DIPK1C: variants seen among roughly 807,000 people sequenced by gnomAD.
DIPK1C encodes the protein familial non-conventional Alzheimer's dementia.
DIPK1C carries 33 observed loss-of-function variants against 28.0 expected under a neutral mutation model. The ratio of observed to expected loss-of-function variants is 1.18; its 90% confidence interval spans 0.89 to 1.58. The LOEUF (loss-of-function observed/expected upper bound fraction) is 1.58, where lower values mean the gene tolerates loss of function less well. Among genes scored for constraint, DIPK1C ranks in the 40% most tolerant of loss-of-function variants. The pLI is 0.00. For synonymous variants in DIPK1C, 255 were observed against 248.8 expected, an observed-to-expected ratio of 1.02 and a Z score of -0.23; for missense variants, 569 against 568.5, an observed-to-expected ratio of 1.00 and a Z score of -0.01.
chr18:74,457,003 C>T (rs1350172533), intron 1 of DIPK1C, 59 bp downstream of exon 1: 4 of 1,340,220 alleles, frequency 3.0e-6, no homozygotes, highest in African/African-American at 1.6e-5. Flanking sequence ...GGACCGGGAG[C>T]GGGTGTGATC....
chr18:74,444,706 G>A (rs1215733732), intron 2 of DIPK1C, among the ~76,000 whole-genome samples: 1 of 152,112 alleles, frequency 6.6e-6, no homozygotes, highest in Non-Finnish European at 1.5e-5. Flanking sequence ...AAGAAGGGTC[G>A]AGAACCGGAC....
chr18:74,440,742 G>A (rs549339723), intron 3 of DIPK1C, among the ~76,000 whole-genome samples: 6 of 152,326 alleles, frequency 3.9e-5, no homozygotes, highest in East Asian at 1.9e-4. Context: ...AAGAGCAGGC[G>A]TTTGTGTTCC....
chr18:74,462,101 T>G (rs1305914639), upstream of DIPK1C, among the ~76,000 whole-genome samples: 1 of 152,218 alleles, frequency 6.6e-6, no homozygotes, highest in Non-Finnish European at 1.5e-5. Context: ...AGGTATAATT[T>G]GTATACCATG....
chr18:74,441,084 C>A (rs925259625), intron 3 of DIPK1C, among the ~76,000 whole-genome samples: 4 of 152,210 alleles, frequency 2.6e-5, no homozygotes, highest in African/African-American at 7.2e-5. Flanking sequence ...CAGCACCATG[C>A]TGGGCTCCCC....
intron 1 of DIPK1C, among the ~76,000 whole-genome samples, chr18:74,455,172 A>C (rs1986479343): frequency 6.6e-6 from 1 of 152,208 alleles, no homozygotes; most frequent in Non-Finnish European, 1.5e-5. Flanking sequence ...AATTGGTTTT[A>C]ATTCATGACC....
In DIPK1C at chr18:74,447,101, G is replaced by A; in HGVS notation, c.381C>T (p.Pro127=). Residue 127 remains proline, a synonymous_variant, in exon 2 of 4, where the codon CCC becomes CCT. Coordinates refer to ENST00000343998, the MANE Select transcript of DIPK1C (RefSeq NM_001044369.3). This position sits in a 1 kb window ranked among gnomAD's most constrained non-coding sequence, Gnocchi z 4.1. ...SKEEAFSSFP[P]LSLLEEEAGE... ...CTGCCTCCTCTTCCAACAGGCTGAG[G>A]GGCGGGAAGCTGGAGAAGGCCTCCT... 1 of 1,550,546 alleles carries A rather than the reference G, an allele frequency of 6.4e-7. No individual in the cohort carries two copies.
rs2144508097 is a variant in DIPK1C at position 74,436,385 on chromosome 18, G to A, written c.*116C>T. On this transcript the variant is annotated 3_prime_UTR_variant, in exon 4 of 4. Transcript: ENST00000343998. ...AGCACTTGCCACTCCACAATGTGGA[G>A]ACCAGAACGGCACCCCAGAGAGCAC... is the stretch of plus-strand genomic sequence containing the variant. 9.7e-7 allele frequency: 1 copy of A among 1,033,366 alleles called. No homozygotes were observed. 64.0% of individuals were successfully genotyped at this position (1,033,366 alleles called of 1,614,324 possible). A position where few individuals can be genotyped will look rare whatever the true frequency, so the allele number is the denominator to read the frequency against.
At chr18:74,441,435 G>A (rs1167727927) in intron 3 of DIPK1C, among the ~76,000 whole-genome samples, 1 of 152,162 alleles carries the variant, frequency 6.6e-6, no homozygotes, top group African/African-American at 2.4e-5. Context: ...CGCCAGCTCT[G>A]AATGCCTGAA....
chr18:74,444,040 C>A (rs1175920027), intron 2 of DIPK1C, among the ~76,000 whole-genome samples: 5 of 150,262 alleles, frequency 3.3e-5, no homozygotes, highest in Non-Finnish European at 7.4e-5. Flanking sequence ...AAAATAAGAA[C>A]AGTATTAAAA....
At chr18:74,450,210 C>CA (rs948824654) in intron 1 of DIPK1C, among the ~76,000 whole-genome samples, 2 of 151,220 alleles carry the variant, frequency 1.3e-5, no homozygotes, top group South Asian at 2.1e-4. Context: ...TAAGAAAGTG[C>CA]AAAAAAAATT....
At chr18:74,443,300 C>T (rs896660207) in intron 2 of DIPK1C, among the ~76,000 whole-genome samples, 4 of 152,186 alleles carry the variant, frequency 2.6e-5, no homozygotes, top group African/African-American at 4.8e-5. Flanking sequence ...CTGCCCAAAT[C>T]AAGCCGTTTA....
upstream of DIPK1C, among the ~76,000 whole-genome samples, chr18:74,460,116 T>A (rs1986594953): frequency 6.6e-6 from 1 of 152,142 alleles, no homozygotes; most frequent in Non-Finnish European, 1.5e-5. Context: ...GAGAATCTGC[T>A]GAAGGGGAGG....
chr18:74,462,313 C>T (rs1986629852), upstream of DIPK1C, among the ~76,000 whole-genome samples: 1 of 152,186 alleles, frequency 6.6e-6, no homozygotes, highest in Non-Finnish European at 1.5e-5. Flanking sequence ...TTTTTGGACA[C>T]TTCATATAAG....
At chr18:74,456,901 A>C (rs1001532423) in intron 1 of DIPK1C, among the ~76,000 whole-genome samples, 161 bp downstream of exon 1, 2 of 151,986 alleles carry the variant, frequency 1.3e-5, no homozygotes, top group African/African-American at 4.8e-5. Context: ...CATTCGGGGG[A>C]CCGGGGCGTG....
upstream of DIPK1C, among the ~76,000 whole-genome samples, chr18:74,460,712 C>T (rs181030136): frequency 1.1e-4 from 17 of 152,316 alleles, no homozygotes; most frequent in Admixed American, 9.1e-4. Flanking sequence ...CTTATTGCTT[C>T]GTCTGCTGTG....
intron 2 of DIPK1C, among the ~76,000 whole-genome samples, chr18:74,443,700 A>G (rs1433633729): frequency 6.6e-6 from 1 of 152,182 alleles, no homozygotes; most frequent in African/African-American, 2.4e-5. Flanking sequence ...TCTCATTTTA[A>G]TCTTTCCTAT....
intron 3 of DIPK1C, among the ~76,000 whole-genome samples, chr18:74,441,678 G>A (rs1388806094): frequency 1.3e-5 from 2 of 152,104 alleles, no homozygotes; most frequent in Non-Finnish European, 2.9e-5. Flanking sequence ...GTAGATACGT[G>A]GGGTGGAGCC....
At chr18:74,459,682 G>A (rs1986588578), upstream of DIPK1C, among the ~76,000 whole-genome samples, 1 of 152,220 alleles carries the variant, frequency 6.6e-6, no homozygotes, top group Non-Finnish European at 1.5e-5. Context: ...AACCTACTGT[G>A]TGCCATGAGG....
At chr18:74,436,938 G>A (rs1986011814) in intron 3 of DIPK1C, among the ~76,000 whole-genome samples, 1 of 151,886 alleles carries the variant, frequency 6.6e-6, no homozygotes. Context: ...TCCGAGAGGA[G>A]AAGCCAACAT....
Sources: allele counts gnomAD v4.1 joint callset (sites outside exome capture counted in the v4.1 genomes callset), GRCh38; gene constraint gnomAD v4.1.1; non-coding constraint Gnocchi (gnomAD v3.1); transcripts MANE v1.5; gene names NCBI Gene and HGNC (gene_info 2026-07-23, HGNC 2026-07-21).